The following MYCBP2 variants were observed in gnomAD, a reference collection of about 807,000 sequenced individuals.
MYCBP2 encodes the protein MYC binding protein 2, also known as E3 ubiquitin-protein ligase MYCBP2.
A neutral mutation model predicts 525.3 loss-of-function variants in MYCBP2; 120 were observed. The observed-to-expected ratio is 0.23, with a 90% confidence interval of 0.20 to 0.27. MYCBP2 has a LOEUF of 0.27. MYCBP2 is among the 10% of genes least tolerant of loss of function. The probability of loss-of-function intolerance (pLI) is 1.00; values close to 1 mark genes in which losing one functional copy is unlikely to be tolerated. For missense variants in MYCBP2, 4,149 were observed against 5,657.1 expected (o/e 0.73, Z 8.55); for synonymous variants, 1,894 against 1,955.8 (o/e 0.97, Z 0.83).
Position 77,087,627 on chromosome 13 carries a change from T to C in MYCBP2, c.10732A>G (p.Asn3578Asp). Residue 3578 changes from asparagine (N) to aspartate (D), a missense_variant, in exon 62 of 83, where the codon AAC becomes GAC. Asn to Asp is a conservative substitution (Grantham distance 23). Transcript: ENST00000544440. ...TGGATGACATTACACAGAAGCCAGT[T>C]GAAAGCCTGAAGAAATGACGGTTAA... The part of the protein sequence containing the change: ...ACRVFAMEAF[N>D]WLLCNVIQTT... 1.9e-6 allele frequency: 3 copies of C among 1,609,610 alleles called. No homozygotes were observed. Among genetic ancestry groups the C allele is most frequent in the Non-Finnish European group, 2.5e-6 (3 of 1,178,092 alleles).
At chr13:77,096,276 A>G in intron 57 of MYCBP2, 36 bp downstream of exon 57, 1 of 1,600,614 alleles carries the variant, frequency 6.2e-7, no homozygotes, top group South Asian at 1.1e-5. Context: ...GTGTATCCAT[A>G]TCATTAAAAG....
At chr13:77,122,969 C>T (rs2051017020) in intron 54 of MYCBP2, among the ~76,000 whole-genome samples, 1 of 152,178 alleles carries the variant, frequency 6.6e-6, no homozygotes, top group African/African-American at 2.4e-5. Context: ...GATAGCACTG[C>T]TTCCTCTCTA....
chr13:77,175,326 T>C (rs998478240), intron 36 of MYCBP2, among the ~76,000 whole-genome samples: 2 of 152,052 alleles, frequency 1.3e-5, no homozygotes, highest in African/African-American at 4.8e-5. Flanking sequence ...GGTGAGTCTA[T>C]TATATTTTTA....
intron 17 of MYCBP2, among the ~76,000 whole-genome samples, chr13:77,242,396 G>A (rs960715731): frequency 1.3e-5 from 2 of 152,210 alleles, no homozygotes; most frequent in Non-Finnish European, 2.9e-5. Context: ...TTACAGGCGT[G>A]AGCCACCGTG....
intron 17 of MYCBP2, among the ~76,000 whole-genome samples, chr13:77,240,310 C>A (rs2154312347): frequency 6.6e-6 from 1 of 152,116 alleles, no homozygotes; most frequent in South Asian, 2.1e-4. Flanking sequence ...CAAAAATATT[C>A]ATTTAAAATA....
chr13:77,163,535 G>A (rs1162600251), intron 43 of MYCBP2, among the ~76,000 whole-genome samples: 1 of 152,106 alleles, frequency 6.6e-6, no homozygotes. Flanking sequence ...ATAAATATTA[G>A]AGAATCAGTA....
chr13:77,188,467 T>C (rs2060967328), intron 30 of MYCBP2, among the ~76,000 whole-genome samples: 1 of 152,222 alleles, frequency 6.6e-6, no homozygotes, highest in South Asian at 2.1e-4. Context: ...TTCATTTATT[T>C]ACATCATGTT....
intron 5 of MYCBP2, 136 bp from the exon 6 acceptor site, chr13:77,270,674 G>C: frequency 1.1e-6 from 1 of 928,838 alleles, no homozygotes; most frequent in African/African-American, 1.7e-5. Context: ...CCAGCAAAAA[G>C]TACCAACTAA....
intron 43 of MYCBP2, among the ~76,000 whole-genome samples, chr13:77,162,439 T>G (rs1327484422): frequency 1.3e-5 from 2 of 152,230 alleles, no homozygotes; most frequent in African/African-American, 4.8e-5. Flanking sequence ...TATTGATCTT[T>G]CTTTGATAGT....
At chr13:77,060,490 C>A (rs1316103959) in intron 76 of MYCBP2, among the ~76,000 whole-genome samples, 1 of 152,144 alleles carries the variant, frequency 6.6e-6, no homozygotes, top group Admixed American at 6.5e-5. Flanking sequence ...TCGTGTCAGT[C>A]AAATGGCAGA....
chr13:77,296,836 A>C (rs1043743321), intron 1 of MYCBP2, among the ~76,000 whole-genome samples, 162 bp from the exon 2 acceptor site: 1 of 152,236 alleles, frequency 6.6e-6, no homozygotes, highest in Non-Finnish European at 1.5e-5. Context: ...AGATACTAAC[A>C]TATAAAGTAG....
chr13:77,105,242 G>A (rs1354582146), intron 55 of MYCBP2, among the ~76,000 whole-genome samples: 1 of 152,036 alleles, frequency 6.6e-6, no homozygotes, highest in African/African-American at 2.4e-5. Context: ...ACATAAAACA[G>A]AAATGTGAAA....
chr13:77,262,065 T>A lies in MYCBP2; in HGVS notation c.1635A>T (p.Thr545=). ...GAGREFALMK[T]ANGKIYYTGK... ...GAGAATAATTTACCTTTCCATTTGC[T>A]GTTTTCATTAGCGCAAACTCTCGTC... is the stretch of plus-strand genomic sequence containing the variant. Residue 545 remains threonine, a synonymous_variant, in exon 11 of 83, where the codon ACA becomes ACT. Coordinates refer to ENST00000544440, the MANE Select transcript of MYCBP2 (RefSeq NM_015057.5). The A allele has an allele frequency of 6.2e-7, 1 of 1,610,948 alleles. No individual in the cohort carries two copies. Among genetic ancestry groups the A allele is most frequent in the Non-Finnish European group, 8.5e-7 (1 of 1,178,064 alleles).
intron 1 of MYCBP2, among the ~76,000 whole-genome samples, chr13:77,324,420 T>C (rs1330553786): frequency 1.3e-5 from 2 of 152,238 alleles, no homozygotes; most frequent in Non-Finnish European, 2.9e-5. Context: ...TATCATTCAT[T>C]CAGAGCCGAA....
rs1239356132 is a variant in MYCBP2 at position 77,176,615 on chromosome 13, C to T, written c.5354G>A (p.Gly1785Glu). The stretch of plus-strand genomic sequence containing the variant: ...CCATCTGTGGGAATGAGTTGAATCT[C>T]CTGCATGTTCACTCTAAAAAAAAAA... The part of the protein sequence containing the change: ...EVLVDDSEHA[G>E]DSTHSHRWTS... The change falls in exon 36 of 83, where the codon GGA becomes GAA. Residue 1785 changes from glycine (G) to glutamate (E), a missense_variant. Physicochemically the swap from Gly to Glu is moderately conservative, Grantham distance 98. Transcript: ENST00000544440. 4 of 1,544,358 alleles carry T rather than the reference C, an allele frequency of 2.6e-6. No homozygotes were observed. In the South Asian group the frequency reaches 4.0e-5, roughly 15 times the overall value.
chr13:77,167,841 T>C (rs1489355723), intron 40 of MYCBP2, among the ~76,000 whole-genome samples: 1 of 152,212 alleles, frequency 6.6e-6, no homozygotes, highest in Non-Finnish European at 1.5e-5. Context: ...GCTTGTTTAC[T>C]TCTATATGCT....
rs753576516 is a variant in MYCBP2, at chr13:77,087,499, TTTGC to T, written c.10856_10859del (p.Ser3619LysfsTer20). On this transcript the variant is annotated frameshift_variant, in exon 62 of 83. Coordinates refer to ENST00000544440, the MANE Select transcript of MYCBP2 (RefSeq NM_015057.5). LOFTEE classifies it high-confidence loss of function. The stretch of plus-strand genomic sequence containing the variant: ...TTTCATTTACTTGTTCTGAATTTTC[TTTGC>T]TTGTTTTATTTTCTTCATCCTCTTC... The T allele has an allele frequency of 6.2e-7, 1 of 1,611,078 alleles. No individual in the cohort carries two copies. Among genetic ancestry groups the T allele is most frequent in the Non-Finnish European group, 8.5e-7 (1 of 1,178,384 alleles).
Position 77,093,042 on chromosome 13 carries a change from T to G in MYCBP2, c.10367+123A>C, listed in dbSNP as rs1180133675. 46 of 919,956 alleles carry G rather than the reference T, an allele frequency of 5.0e-5. No homozygotes were observed. The East Asian group carries it at 1.2e-3, about 23-fold the overall frequency. The allele number at this position is 919,956 out of a possible 1,614,324, so 57.0% of individuals were successfully genotyped here. On this transcript the variant is annotated intron_variant, in intron 59 of 82. Transcript: ENST00000544440. ...ATACATGTATGCTTTTTCTTACTGC[T>G]CCAGCAGTTAGCAAAACTGGCTCAC...
At chr13:77,131,962 T>C (rs2052950267) in intron 52 of MYCBP2, among the ~76,000 whole-genome samples, 1 of 152,154 alleles carries the variant, frequency 6.6e-6, no homozygotes, top group Admixed American at 6.6e-5. Context: ...AAAAAATCTT[T>C]CCTTGTGTTA....
Sources: gnomAD v4.1 joint callset for allele counts (sites outside exome capture counted in the v4.1 genomes callset) on GRCh38, gnomAD v4.1.1 for gene constraint, MANE v1.5 for transcripts, NCBI Gene and HGNC (gene_info 2026-07-23, HGNC 2026-07-21) for gene names.